FIGLA: variants seen among roughly 807,000 people sequenced by gnomAD.
FIGLA encodes factor in the germline alpha.
A neutral mutation model predicts 21.5 loss-of-function variants in FIGLA; 17 were observed. That is an observed-to-expected ratio of 0.79 (90% CI 0.54 to 1.19). The LOEUF is 1.19. Ranked by LOEUF, FIGLA falls within the 50% of genes most tolerant of loss-of-function variation. The pLI, the probability that FIGLA is intolerant of heterozygous loss-of-function variation, is 0.00. For synonymous variants in FIGLA, 129 were observed against 117.6 expected (o/e 1.10, Z -0.63); for missense variants, 282 against 285.0 (o/e 0.99, Z 0.08).
intron 3 of FIGLA, among the ~76,000 whole-genome samples, chr2:70,780,159 A>G (rs1553388909): frequency 6.6e-6 from 1 of 152,120 alleles, no homozygotes. Context: ...TCATCAGCAG[A>G]TTCTCATGCA....
At chr2:70,778,215 C>A (rs569187069) in intron 3 of FIGLA, among the ~76,000 whole-genome samples, 2 of 152,320 alleles carry the variant, frequency 1.3e-5, no homozygotes, top group East Asian at 3.9e-4. Context: ...ACATCCCCCC[C>A]AACCCCAACA....
intron 1 of FIGLA, 71 bp from the exon 2 acceptor site, chr2:70,787,872 G>A: frequency 1.3e-6 from 2 of 1,522,710 alleles, no homozygotes; most frequent in Non-Finnish European, 1.8e-6. Flanking sequence ...AGCTACAGAA[G>A]GGGGTTGTTT....
chr2:70,786,551 G>A (rs547372121), intron 2 of FIGLA, among the ~76,000 whole-genome samples: 1 of 152,228 alleles, frequency 6.6e-6, no homozygotes, highest in South Asian at 2.1e-4. Flanking sequence ...TGATCTGCCT[G>A]CCTCAGCCTC....
At chr2:70,778,918 G>C (rs1675808985) in intron 3 of FIGLA, among the ~76,000 whole-genome samples, 1 of 152,162 alleles carries the variant, frequency 6.6e-6, no homozygotes, top group Non-Finnish European at 1.5e-5. Context: ...AGCCAGGCTT[G>C]GTGAGGGAGA....
chr2:70,785,176 A>C (rs891821347), intron 3 of FIGLA, among the ~76,000 whole-genome samples: 1 of 152,094 alleles, frequency 6.6e-6, no homozygotes, highest in African/African-American at 2.4e-5. Context: ...CATTTAAAAG[A>C]TAAGCTTAGG....
chr2:70,780,964 A>T (rs1486674326), intron 3 of FIGLA, among the ~76,000 whole-genome samples: 2 of 152,144 alleles, frequency 1.3e-5, no homozygotes, highest in Non-Finnish European at 2.9e-5. Context: ...CGGCAGCCCC[A>T]TGAAAGGAGT....
At chr2:70,786,569 G>A (rs910314674) in intron 2 of FIGLA, among the ~76,000 whole-genome samples, 1 of 152,186 alleles carries the variant, frequency 6.6e-6, no homozygotes, top group African/African-American at 2.4e-5. Context: ...CTCCCAAAGT[G>A]CTGGGATTAT....
chr2:70,777,699 G>A (rs1553388531), intron 3 of FIGLA, 28 bp from the exon 4 acceptor site: 1 of 1,152,750 alleles, frequency 8.7e-7, no homozygotes, highest in South Asian at 1.3e-5. Flanking sequence ...AATACAGAAA[G>A]GGCTAAACAC....
intron 3 of FIGLA, among the ~76,000 whole-genome samples, chr2:70,779,215 G>A (rs1675812701): frequency 6.6e-6 from 1 of 152,168 alleles, no homozygotes. Context: ...AGGAAGGAGT[G>A]GGGAGGACTG....
chr2:70,781,740 T>C (rs539167162), intron 3 of FIGLA, among the ~76,000 whole-genome samples: 235 of 152,270 alleles, frequency 1.5e-3, no homozygotes, highest in Non-Finnish European at 2.6e-3. Flanking sequence ...AGATAAATTA[T>C]AGAGGTGGAG....
intron 1 of FIGLA, among the ~76,000 whole-genome samples, chr2:70,790,120 T>G (rs1367865976): frequency 3.9e-5 from 6 of 152,110 alleles, no homozygotes; most frequent in African/African-American, 1.4e-4. Flanking sequence ...ATTTTTGAAG[T>G]TGTCAGGGCC....
intron 3 of FIGLA, among the ~76,000 whole-genome samples, chr2:70,781,263 G>GC (rs1675851045): frequency 1.3e-5 from 2 of 152,084 alleles, no homozygotes. Context: ...TGGGAGATGG[G>GC]TTATACACAG....
At position 70,786,584 on chromosome 2, in the gene FIGLA, G is replaced by A. The variant is rs944482193; in HGVS notation, c.385-945C>T. ...CTCCCAAAGTGCTGGGATTATAGGC[G>A]TGAGCCACCGCGCCTGGCAGACTTC... On this transcript the variant is annotated intron_variant, in intron 2 of 4. Coordinates refer to ENST00000332372, the MANE Select transcript of FIGLA (RefSeq NM_001004311.3). Among the ~76,000 whole-genome samples the A allele has an allele frequency of 2.6e-5, 4 of 152,170 alleles. No homozygotes were observed. The East Asian group carries it at 5.8e-4, about 22-fold the overall frequency.
chr2:70,784,880 A>G (rs1675916034), intron 3 of FIGLA, among the ~76,000 whole-genome samples: 1 of 151,976 alleles, frequency 6.6e-6, no homozygotes, highest in Admixed American at 6.6e-5. Context: ...AAGTAATAAC[A>G]GACAATAAAC....
intron 3 of FIGLA, among the ~76,000 whole-genome samples, chr2:70,784,560 A>C (rs1675911094): frequency 6.6e-6 from 1 of 152,170 alleles, no homozygotes; most frequent in Non-Finnish European, 1.5e-5. Context: ...AAGTGGTAAA[A>C]CCAGGGTTTA....
At chr2:70,788,299 C>T (rs1675993699) in intron 1 of FIGLA, among the ~76,000 whole-genome samples, 1 of 152,136 alleles carries the variant, frequency 6.6e-6, no homozygotes, top group Non-Finnish European at 1.5e-5. Context: ...ATAGAAAGTC[C>T]TCAAGAAGTG....
At chr2:70,783,703 T>G (rs1675897240) in intron 3 of FIGLA, among the ~76,000 whole-genome samples, 1 of 151,516 alleles carries the variant, frequency 6.6e-6, no homozygotes, top group Admixed American at 6.6e-5. Flanking sequence ...TCAGGTCATT[T>G]TTTTTTTTTT....
chr2:70,788,608 C>T (rs1232695516), intron 1 of FIGLA, among the ~76,000 whole-genome samples: 3 of 152,174 alleles, frequency 2.0e-5, no homozygotes, highest in African/African-American at 4.8e-5. Context: ...TACCCTGGAG[C>T]AAACCAGACA....
chr2:70,785,066 A>G (rs985609795), intron 3 of FIGLA, among the ~76,000 whole-genome samples: 5 of 152,120 alleles, frequency 3.3e-5, no homozygotes, highest in African/African-American at 1.2e-4. Flanking sequence ...ATCATTTAAA[A>G]GATAAACTTA....
Sources: allele counts gnomAD v4.1 joint callset (sites outside exome capture counted in the v4.1 genomes callset), GRCh38; gene constraint gnomAD v4.1.1; transcripts MANE v1.5; gene names NCBI Gene and HGNC (gene_info 2026-07-23, HGNC 2026-07-21).